Variants in MAN2A1 observed in about 807,000 individuals in gnomAD.
MAN2A1 encodes the protein mannosidase alpha class 2A member 1.
MAN2A1 carries 76 observed loss-of-function variants against 142.6 expected under a neutral mutation model. The observed-to-expected ratio is 0.53, with a 90% CI of 0.44 to 0.65. MAN2A1 has a LOEUF of 0.65. Among genes scored for constraint, MAN2A1 ranks in the 30% least tolerant of loss-of-function variants. MAN2A1 has a pLI of 0.00. For missense variants in MAN2A1, 1,311 were observed against 1,365.1 expected (o/e 0.96, Z 0.62); for synonymous variants, 559 against 473.2 (o/e 1.18, Z -2.35).
chr5:109,748,390 G>T (rs1476400138), intron 4 of MAN2A1, among the ~76,000 whole-genome samples: 2 of 142,002 alleles, frequency 1.4e-5, no homozygotes, highest in African/African-American at 2.6e-5. Flanking sequence ...TATCTGCATT[G>T]TATCTTTTGC....
intron 16 of MAN2A1, among the ~76,000 whole-genome samples, chr5:109,827,719 C>T (rs1289393954): frequency 6.6e-6 from 1 of 152,134 alleles, no homozygotes; most frequent in African/African-American, 2.4e-5. Flanking sequence ...GTTCAGACAT[C>T]GCATTCAAAA....
chr5:109,734,971 T>C (rs1488078188), intron 4 of MAN2A1, among the ~76,000 whole-genome samples: 1 of 152,168 alleles, frequency 6.6e-6, no homozygotes, highest in African/African-American at 2.4e-5. Context: ...GACAGTGGGG[T>C]GTTAAAGTCT....
intron 16 of MAN2A1, among the ~76,000 whole-genome samples, chr5:109,838,344 TGTAAA>T (rs1352891896): frequency 1.3e-5 from 2 of 152,192 alleles, no homozygotes; most frequent in Admixed American, 6.5e-5. Context: ...TGACTAATCT[TGTAAA>T]GTGTTAAAGA....
At chr5:109,763,569 G>A (rs1026564496) in intron 5 of MAN2A1, among the ~76,000 whole-genome samples, 1 of 151,384 alleles carries the variant, frequency 6.6e-6, no homozygotes, top group Admixed American at 6.6e-5. Context: ...TGCACAATGT[G>A]CAGGTTAGTT....
chr5:109,833,163 A>G (rs1754968266), intron 16 of MAN2A1, among the ~76,000 whole-genome samples: 1 of 143,812 alleles, frequency 7.0e-6, no homozygotes, highest in Admixed American at 6.9e-5. Context: ...GCGGCTGGGA[A>G]GAGACGCTCC....
intron 1 of MAN2A1, among the ~76,000 whole-genome samples, chr5:109,710,327 A>C (rs893991332): frequency 1.3e-5 from 2 of 152,190 alleles, no homozygotes; most frequent in African/African-American, 4.8e-5. Context: ...CATAATAAAA[A>C]TATTCCCAGG....
intron 3 of MAN2A1, among the ~76,000 whole-genome samples, chr5:109,717,224 T>A (rs142509826): frequency 6.6e-6 from 1 of 152,214 alleles, no homozygotes; most frequent in Non-Finnish European, 1.5e-5. Flanking sequence ...CATTCATTTA[T>A]CTTCTACTTA....
Position 109,693,025 on chromosome 5 carries a change from T to A in MAN2A1, c.135+2473T>A, listed in dbSNP as rs1022951446. 8.5e-5 allele frequency among the ~76,000 whole-genome samples: 13 copies of A among 152,306 alleles called. No homozygotes were observed. In the East Asian group the frequency reaches 2.5e-3, roughly 29 times the overall value. ...CTGCTATGCCACTCACCTCCTGCTG[T>A]GTGGCCTGGTTCCTAACAGGTCCAT... On this transcript the variant is annotated intron_variant, in intron 1 of 21. Transcript: ENST00000261483.
intron 12 of MAN2A1, among the ~76,000 whole-genome samples, chr5:109,799,836 C>G (rs1031166595): frequency 6.6e-6 from 1 of 151,834 alleles, no homozygotes; most frequent in Non-Finnish European, 1.5e-5. Context: ...CCCTATAATC[C>G]CAGCACTTTG....
At chr5:109,862,652 A>G (rs1349168078) in intron 20 of MAN2A1, 1 of 152,218 alleles carries the variant, frequency 6.6e-6, no homozygotes, top group East Asian at 1.9e-4. Flanking sequence ...GTTTTCCTGC[A>G]TGCATATTCA....
At chr5:109,733,346 C>T (rs900029014) in intron 4 of MAN2A1, among the ~76,000 whole-genome samples, 31 of 152,124 alleles carry the variant, frequency 2.0e-4, no homozygotes, top group African/African-American at 6.8e-4. Flanking sequence ...TAATTGAATG[C>T]CCTTTATTTC....
chr5:109,721,181 A>C (rs781299403), intron 3 of MAN2A1, among the ~76,000 whole-genome samples: 1 of 152,184 alleles, frequency 6.6e-6, no homozygotes, highest in Non-Finnish European at 1.5e-5. Flanking sequence ...TTAATTATAA[A>C]TTCTCAGAGG....
chr5:109,802,744 T>C (rs139901263), intron 12 of MAN2A1, among the ~76,000 whole-genome samples: 1 of 152,218 alleles, frequency 6.6e-6, no homozygotes, highest in East Asian at 1.9e-4. Context: ...TATTTAGGTG[T>C]TGACTTTTTT....
chr5:109,814,046 C>T (rs1754388956), intron 12 of MAN2A1, among the ~76,000 whole-genome samples: 1 of 152,054 alleles, frequency 6.6e-6, no homozygotes, highest in Admixed American at 6.6e-5. Flanking sequence ...TATGGGGGCC[C>T]AATGTCACAG....
intron 16 of MAN2A1, among the ~76,000 whole-genome samples, chr5:109,835,455 T>C (rs1755031198): frequency 6.6e-6 from 1 of 152,186 alleles, no homozygotes; most frequent in South Asian, 2.1e-4. Context: ...GATGGGTGTT[T>C]TGGAGATTTA....
chr5:109,707,530 AT>A (rs1179357704), intron 1 of MAN2A1, among the ~76,000 whole-genome samples: 1 of 152,168 alleles, frequency 6.6e-6, no homozygotes, highest in African/African-American at 2.4e-5. Context: ...GAGGGAAGCA[AT>A]ACATGAATAA....
chr5:109,694,081 G>C (rs980256978), intron 1 of MAN2A1, among the ~76,000 whole-genome samples: 1 of 152,200 alleles, frequency 6.6e-6, no homozygotes, highest in Admixed American at 6.5e-5. Context: ...TAATTAGTCT[G>C]ATGTTTGGAT....
chr5:109,825,391 G>A (rs114775230), intron 16 of MAN2A1, among the ~76,000 whole-genome samples: 1 of 152,142 alleles, frequency 6.6e-6, no homozygotes, highest in Non-Finnish European at 1.5e-5. Flanking sequence ...GTTATATTTA[G>A]AGATGGGCTA....
chr5:109,711,877 A>G (rs1306835930), intron 1 of MAN2A1, among the ~76,000 whole-genome samples: 2 of 146,558 alleles, frequency 1.4e-5, no homozygotes, highest in Non-Finnish European at 3.0e-5. Context: ...AGAGATGACA[A>G]TTGCCTTTAA....
Sources: allele counts gnomAD v4.1 joint callset (sites outside exome capture counted in the v4.1 genomes callset), GRCh38; gene constraint gnomAD v4.1.1; transcripts MANE v1.5; gene names NCBI Gene and HGNC (gene_info 2026-07-23, HGNC 2026-07-21).